The following PTPRM variants were observed in gnomAD, a reference collection of about 807,000 sequenced individuals.
PTPRM encodes the protein receptor-type tyrosine-protein phosphatase mu.
Under a neutral mutation model 186.7 loss-of-function variants are expected in PTPRM, and 47 were observed. The ratio of observed to expected loss-of-function variants is 0.25; its 90% CI spans 0.20 to 0.32. The LOEUF is 0.32. Ranked by LOEUF, PTPRM falls within the 10% of genes least tolerant of loss-of-function variation. PTPRM has a pLI of 1.00. For synonymous variants in PTPRM, 668 were observed against 674.9 expected (o/e 0.99, Z 0.16); for missense variants, 1,494 against 1,865.0 (o/e 0.80, Z 3.66).
chr18:8,091,641 T>C (rs2090735840), intron 11 of PTPRM, among the ~76,000 whole-genome samples: 1 of 151,794 alleles, frequency 6.6e-6, no homozygotes. Context: ...GGATTCATTA[T>C]ATAGGACAAC....
chr18:7,752,341 T>C (rs889355131), intron 1 of PTPRM, among the ~76,000 whole-genome samples: 4 of 152,172 alleles, frequency 2.6e-5, no homozygotes, highest in African/African-American at 9.7e-5. Flanking sequence ...ATGCTAGGCC[T>C]CGAATATATT....
rs940320322 is a variant in PTPRM, at chr18:7,668,222, C to T, written c.73+100331C>T. Among the ~76,000 whole-genome samples the T allele has an allele frequency of 4.6e-5, 7 of 152,126 alleles. No individual in the cohort carries two copies. The highest frequency in any genetic ancestry group is 7.3e-5 in the Non-Finnish European group (5 of 68,040). On this transcript the variant is annotated intron_variant, in intron 1 of 32. Transcript: ENST00000580170. The surrounding 1 kb of genome is among the most constrained non-coding windows in gnomAD (Gnocchi z 4.7). Reference sequence around the variant, plus strand: ...GCTGCACCACGGTGGTGCCCGCAGACGCTGCTTCGTGTCCCCCATGACAGC... The same window carrying T: ...GCTGCACCACGGTGGTGCCCGCAGATGCTGCTTCGTGTCCCCCATGACAGC...
intron 1 of PTPRM, among the ~76,000 whole-genome samples, chr18:7,585,079 T>A (rs2036942864): frequency 6.6e-6 from 1 of 152,136 alleles, no homozygotes; most frequent in South Asian, 2.1e-4. Flanking sequence ...AGGCCAAGTG[T>A]GCAGGAGGAA....
At chr18:8,235,932 A>G (rs887895917) in intron 14 of PTPRM, among the ~76,000 whole-genome samples, 2 of 152,188 alleles carry the variant, frequency 1.3e-5, no homozygotes, top group African/African-American at 4.8e-5. Flanking sequence ...GTAGTCTAAC[A>G]GCAGACACCG....
At chr18:7,881,513 G>A (rs1024007652) in intron 2 of PTPRM, among the ~76,000 whole-genome samples, 1 of 152,200 alleles carries the variant, frequency 6.6e-6, no homozygotes, top group Non-Finnish European at 1.5e-5. Flanking sequence ...ATTAGTCTTA[G>A]GAGCACTGCC....
intron 2 of PTPRM, among the ~76,000 whole-genome samples, chr18:7,820,449 A>G (rs2145600799): frequency 6.6e-6 from 1 of 152,278 alleles, no homozygotes; most frequent in South Asian, 2.1e-4. Context: ...CCCCAAATCC[A>G]TTCACTTTAC....
intron 1 of PTPRM, among the ~76,000 whole-genome samples, chr18:7,589,117 G>A (rs1455203755): frequency 1.3e-5 from 2 of 152,106 alleles, no homozygotes; most frequent in Non-Finnish European, 2.9e-5. Context: ...CAAAGTATGG[G>A]GATTACAGGT....
At chr18:8,139,623 A>G (rs748281180) in intron 13 of PTPRM, among the ~76,000 whole-genome samples, 14 of 151,942 alleles carry the variant, frequency 9.2e-5, no homozygotes, top group African/African-American at 1.9e-4. Flanking sequence ...AGTTCACCGC[A>G]CTCCAGTCAC....
intron 19 of PTPRM, among the ~76,000 whole-genome samples, chr18:8,295,633 T>G (rs1307280128): frequency 6.6e-6 from 1 of 152,120 alleles, no homozygotes; most frequent in East Asian, 1.9e-4. Context: ...ACTTCCATCC[T>G]TTTCCCATAA....
rs1300872564 is a variant in PTPRM at position 8,387,132 on chromosome 18, G to T, written c.4105G>T (p.Asp1369Tyr). 1 of 1,612,328 alleles carries T rather than the reference G, an allele frequency of 6.2e-7. No individual in the cohort carries two copies. Among genetic ancestry groups the T allele is most frequent in the South Asian group, 1.1e-5 (1 of 91,044 alleles). ...FQFLGWPMYR[D>Y]TPVSKRSFLK... ...GTTCCTGGGCTGGCCGATGTACAGG[G>T]ACACACCAGTGTCTAAGCGCTCCTT... The change falls in exon 31 of 33, where the codon GAC becomes TAC. Residue 1369 changes from aspartate to tyrosine, a missense_variant. Asp to Tyr is a radical substitution (Grantham distance 160, BLOSUM62 -3). Coordinates refer to ENST00000580170, the MANE Select transcript of PTPRM (RefSeq NM_001105244.2).
chr18:7,687,356 A>G (rs2039626432), intron 1 of PTPRM, among the ~76,000 whole-genome samples: 1 of 152,186 alleles, frequency 6.6e-6, no homozygotes, highest in Non-Finnish European at 1.5e-5. Context: ...TTCAAATATG[A>G]TAATTTTGGT....
At chr18:8,063,094 G>A (rs1403556223) in intron 7 of PTPRM, among the ~76,000 whole-genome samples, 1 of 151,576 alleles carries the variant, frequency 6.6e-6, no homozygotes, top group Non-Finnish European at 1.5e-5. Context: ...AGACTGCTGT[G>A]CTGGCAATCA....
intron 14 of PTPRM, among the ~76,000 whole-genome samples, chr18:8,208,656 G>A (rs1016729479): frequency 6.6e-6 from 1 of 152,068 alleles, no homozygotes; most frequent in Admixed American, 6.5e-5. Flanking sequence ...CCACAGGTGT[G>A]AGCCACCACC....
chr18:7,936,627 C>T (rs912983077), intron 5 of PTPRM, among the ~76,000 whole-genome samples: 1 of 152,190 alleles, frequency 6.6e-6, no homozygotes, highest in Non-Finnish European at 1.5e-5. Flanking sequence ...GTACCATGAA[C>T]AGGAGGCAGA....
At chr18:7,949,658 A>T (rs2052802349) in intron 6 of PTPRM, among the ~76,000 whole-genome samples, 1 of 152,152 alleles carries the variant, frequency 6.6e-6, no homozygotes, top group Admixed American at 6.5e-5. Context: ...AAGGAATAAA[A>T]TTTTTTACTG....
At chr18:7,817,965 G>A (rs994421816) in intron 2 of PTPRM, among the ~76,000 whole-genome samples, 3 of 152,188 alleles carry the variant, frequency 2.0e-5, no homozygotes, top group Non-Finnish European at 4.4e-5. Context: ...GCTCCGCAAG[G>A]CAGATGGTAC....
At chr18:7,883,316 T>G (rs1045910710) in intron 2 of PTPRM, among the ~76,000 whole-genome samples, 4 of 152,104 alleles carry the variant, frequency 2.6e-5, no homozygotes, top group African/African-American at 9.7e-5. Context: ...GTCAAAACAT[T>G]TAAGTAGAAG....
chr18:8,196,478 A>G (rs368016532), intron 14 of PTPRM, among the ~76,000 whole-genome samples: 4 of 152,222 alleles, frequency 2.6e-5, no homozygotes, highest in African/African-American at 9.6e-5. Context: ...GCAGTGCGCC[A>G]GCATACTGGT....
chr18:7,615,877 A>G (rs2037790354), intron 1 of PTPRM, among the ~76,000 whole-genome samples: 1 of 152,126 alleles, frequency 6.6e-6, no homozygotes, highest in African/African-American at 2.4e-5. Flanking sequence ...TTGGGGTGAT[A>G]GGAGACAGTG....
Sources: gnomAD v4.1 joint callset for allele counts (sites outside exome capture counted in the v4.1 genomes callset) on GRCh38, gnomAD v4.1.1 for gene constraint, Gnocchi (gnomAD v3.1) non-coding constraint, MANE v1.5 for transcripts, NCBI Gene and HGNC (gene_info 2026-07-23, HGNC 2026-07-21) for gene names.